Variants in TRAPPC9 observed in about 807,000 individuals in gnomAD.
TRAPPC9 encodes trafficking protein particle complex subunit 9.
TRAPPC9 carries 83 observed loss-of-function variants against 124.0 expected under a neutral mutation model. The observed-to-expected ratio is 0.67, with a 90% CI of 0.56 to 0.80. The LOEUF is 0.80. Ranked by LOEUF, TRAPPC9 falls within the 30% of genes least tolerant of loss-of-function variation. The pLI is 0.00. For synonymous variants in TRAPPC9, 638 were observed against 617.5 expected, an observed-to-expected ratio of 1.03 and a Z score of -0.49; for missense variants, 1,302 against 1,508.3, an observed-to-expected ratio of 0.86 and a Z score of 2.27.
In TRAPPC9 at chr8:139,974,817, A is replaced by G. The variant is rs185802604; in HGVS notation, c.2810+13909T>C. Among the ~76,000 whole-genome samples, 585 of 152,156 alleles carry G rather than the reference A, an allele frequency of 3.8e-3. 5 individuals are homozygous for G. The highest frequency in any genetic ancestry group is 0.013 in the African/African-American group (528 of 41,520). The stretch of plus-strand genomic sequence containing the variant: ...ACCAGCTCATGTGGAGGCTGGGCCC[A>G]GGTTTCCGTGGTCTTCCACTCCGCC... On this transcript the variant is annotated intron_variant, in intron 19 of 22. Coordinates refer to ENST00000438773, the MANE Select transcript of TRAPPC9 (RefSeq NM_001160372.4).
At chr8:140,057,122 A>C (rs1842331075) in intron 17 of TRAPPC9, among the ~76,000 whole-genome samples, 1 of 152,254 alleles carries the variant, frequency 6.6e-6, no homozygotes, top group Non-Finnish European at 1.5e-5. Context: ...GGGAAATGCA[A>C]ATCAAAAACA....
chr8:140,125,110 G>A (rs1370450412), intron 17 of TRAPPC9, among the ~76,000 whole-genome samples: 1 of 152,238 alleles, frequency 6.6e-6, no homozygotes, highest in East Asian at 1.9e-4. Context: ...GCGAGGGGAA[G>A]TGAGGCAAGG....
chr8:140,224,041 C>T (rs903887975), intron 16 of TRAPPC9, among the ~76,000 whole-genome samples: 2 of 152,140 alleles, frequency 1.3e-5, no homozygotes, highest in African/African-American at 4.8e-5. Context: ...CTATGGAAGA[C>T]ACGTATGAAG....
chr8:140,220,473 C>A (rs2063313172), intron 17 of TRAPPC9, among the ~76,000 whole-genome samples: 1 of 152,194 alleles, frequency 6.6e-6, no homozygotes, highest in Non-Finnish European at 1.5e-5. Context: ...GGGCACTCCC[C>A]GCTACCAACA....
intron 21 of TRAPPC9, among the ~76,000 whole-genome samples, chr8:139,883,260 G>C (rs934590173): frequency 6.6e-5 from 10 of 152,236 alleles, no homozygotes; most frequent in Middle Eastern, 3.2e-3. Context: ...AGCAGCAAGA[G>C]GGCCCTCGCC....
intron 15 of TRAPPC9, among the ~76,000 whole-genome samples, chr8:140,255,539 A>G (rs1316867240): frequency 6.6e-6 from 1 of 152,248 alleles, no homozygotes; most frequent in Non-Finnish European, 1.5e-5. Context: ...TGGTTCCTGG[A>G]AAGTCAACTT....
At chr8:140,375,699 TGTTA>T (rs2068418702) in intron 7 of TRAPPC9, among the ~76,000 whole-genome samples, 2 of 152,334 alleles carry the variant, frequency 1.3e-5, no homozygotes, top group South Asian at 2.1e-4. Flanking sequence ...GAAATATCAC[TGTTA>T]GTTAATGCCT....
intron 5 of TRAPPC9, among the ~76,000 whole-genome samples, chr8:140,406,084 T>C (rs903645201): frequency 1.3e-5 from 2 of 152,084 alleles, no homozygotes; most frequent in Non-Finnish European, 2.9e-5. Flanking sequence ...GGAGGTCAAC[T>C]ACGCAAAAGC....
chr8:140,310,251 T>C (rs1259447977), intron 10 of TRAPPC9, among the ~76,000 whole-genome samples: 2 of 152,006 alleles, frequency 1.3e-5, no homozygotes, highest in East Asian at 1.9e-4. Flanking sequence ...ACCCCGGAGG[T>C]TGAGTGACTC....
chr8:139,852,894 A>C (rs1245028866), intron 21 of TRAPPC9, among the ~76,000 whole-genome samples: 1 of 152,190 alleles, frequency 6.6e-6, no homozygotes, highest in Non-Finnish European at 1.5e-5. Context: ...GGAAACTGCA[A>C]ACATAGTCTC....
At chr8:140,412,803 CTATTA>C (rs1486792488) in intron 5 of TRAPPC9, among the ~76,000 whole-genome samples, 1 of 152,056 alleles carries the variant, frequency 6.6e-6, no homozygotes, top group African/African-American at 2.4e-5. Context: ...CAAAACAATT[CTATTA>C]TATTAAAAAC....
At chr8:140,158,676 C>T (rs1457965496) in intron 17 of TRAPPC9, among the ~76,000 whole-genome samples, 1 of 152,194 alleles carries the variant, frequency 6.6e-6, no homozygotes, top group Non-Finnish European at 1.5e-5. Flanking sequence ...TGATAAATAA[C>T]TACAACCTTC....
chr8:139,863,999 G>A (rs909439513), intron 21 of TRAPPC9, among the ~76,000 whole-genome samples: 5 of 152,134 alleles, frequency 3.3e-5, no homozygotes, highest in East Asian at 1.9e-4. Context: ...GGACAGCACC[G>A]CCCACCAGTG....
At chr8:140,328,818 G>A (rs943189683) in intron 9 of TRAPPC9, among the ~76,000 whole-genome samples, 2 of 152,064 alleles carry the variant, frequency 1.3e-5, no homozygotes, top group East Asian at 1.9e-4. Context: ...TATAATTTAC[G>A]AATTAGGGTG....
intron 21 of TRAPPC9, among the ~76,000 whole-genome samples, chr8:139,878,031 T>A (rs1346481832): frequency 1.3e-5 from 2 of 152,168 alleles, no homozygotes; most frequent in Non-Finnish European, 2.9e-5. Context: ...CTTCTGAGAA[T>A]CCACGCTGAG....
rs568689615 is a variant in TRAPPC9, at chr8:140,370,867, C to T, written c.1351+97G>A. 24 of 1,409,404 alleles carry T rather than the reference C, an allele frequency of 1.7e-5. No individual in the cohort carries two copies. In the East Asian group the frequency reaches 5.5e-4, roughly 32 times the overall value. 87.3% of individuals were successfully genotyped at this position (1,409,404 alleles called of 1,614,324 possible). ...TCTAGTCATTCTGGAGCCACCAGCACCAACCACGATGTCTGCCACTCAGGG... is the reference window on the plus strand; with the variant it reads ...TCTAGTCATTCTGGAGCCACCAGCATCAACCACGATGTCTGCCACTCAGGG... On this transcript the variant is annotated intron_variant, in intron 8 of 22. Transcript: ENST00000438773.
intron 21 of TRAPPC9, among the ~76,000 whole-genome samples, chr8:139,855,727 G>T (rs929003760): frequency 6.6e-6 from 1 of 152,320 alleles, no homozygotes; most frequent in East Asian, 1.9e-4. Flanking sequence ...CGGCATGTGG[G>T]GCATGTCCTG....
chr8:140,133,709 G>C (rs778694797), intron 17 of TRAPPC9, among the ~76,000 whole-genome samples: 30 of 152,138 alleles, frequency 2.0e-4, no homozygotes, highest in Non-Finnish European at 3.8e-4. Flanking sequence ...CAGGTAAGTT[G>C]CAAGATACAA....
rs113704269 is a variant in TRAPPC9 at position 139,853,195 on chromosome 8, G to A, written c.3055+32684C>T. On this transcript the variant is annotated intron_variant, in intron 21 of 22. Coordinates refer to ENST00000438773, the MANE Select transcript of TRAPPC9 (RefSeq NM_001160372.4). Reference sequence around the variant, plus strand: ...AGATGGTTCTGGCCAGCCTTCCCAAGCTCGGCTCCTGTAGCACATGGCGGT... The same window carrying A: ...AGATGGTTCTGGCCAGCCTTCCCAAACTCGGCTCCTGTAGCACATGGCGGT... 7.2e-3 allele frequency among the ~76,000 whole-genome samples: 1,097 copies of A among 152,258 alleles called. 8 individuals carry two copies. Among genetic ancestry groups the A allele is most frequent in the African/African-American group, 0.025 (1,043 of 41,536 alleles).
Sources: gnomAD v4.1 joint callset for allele counts (sites outside exome capture counted in the v4.1 genomes callset) on GRCh38, gnomAD v4.1.1 for gene constraint, MANE v1.5 for transcripts, NCBI Gene and HGNC (gene_info 2026-07-23, HGNC 2026-07-21) for gene names.